Variants in HYDIN observed in about 807,000 individuals in gnomAD.
The protein encoded by HYDIN is axonemal central pair apparatus protein HYDIN.
A neutral mutation model predicts 403.9 loss-of-function variants in HYDIN; 132 were observed. The observed-to-expected ratio is 0.33, with a 90% CI of 0.28 to 0.38. The LOEUF is 0.38. HYDIN is among the 10% of genes least tolerant of loss of function. HYDIN has a pLI of 1.00. For missense variants in HYDIN, 2,827 were observed against 5,009.5 expected (o/e 0.56, Z 13.15); for synonymous variants, 1,202 against 1,891.7 (o/e 0.64, Z 9.46).
intron 18 of HYDIN, among the ~76,000 whole-genome samples, chr16:71,052,292 G>C (rs2081682147): frequency 6.6e-6 from 1 of 151,740 alleles, no homozygotes; most frequent in South Asian, 2.1e-4. Flanking sequence ...TAGTGACACT[G>C]AGATAGATAA....
chr16:71,130,470 G>GTT (rs56853905), intron 8 of HYDIN, among the ~76,000 whole-genome samples: 1,028 of 75,816 alleles, frequency 0.014, 140 homozygotes, highest in Non-Finnish European at 0.019. Flanking sequence ...ATATATACCG[G>GTT]TTTTTTTTTT....
At position 70,896,064 on chromosome 16, in the gene HYDIN, T is replaced by C. The variant is rs769984425; in HGVS notation, c.9065A>G (p.Asn3022Ser). ...AIRLEVLDAENLLGVVQIENI... is the reference protein window; with the variant it reads ...AIRLEVLDAESLLGVVQIENI... Reference sequence around the variant, plus strand: ...TTCAATCTGAACAACACCAAGAAGATTTTCTGCATCTAAAACCTGGCAGGG... The same window carrying C: ...TTCAATCTGAACAACACCAAGAAGACTTTCTGCATCTAAAACCTGGCAGGG... The change falls in exon 54 of 86, where the codon AAT becomes AGT. Residue 3022 changes from asparagine to serine, a missense_variant. By Grantham distance (46) the Asn-to-Ser change is conservative (BLOSUM62 1). Coordinates refer to ENST00000393567, the MANE Select transcript of HYDIN (RefSeq NM_001270974.2). 55 of 1,613,290 alleles carry C rather than the reference T, an allele frequency of 3.4e-5. No individual in the cohort carries two copies. The highest frequency in any genetic ancestry group is 1.6e-4 in the Middle Eastern group (1 of 6,080).
chr16:70,896,151 T>C (rs1274134585), intron 53 of HYDIN, 71 bp from the exon 54 acceptor site: 9 of 1,585,130 alleles, frequency 5.7e-6, no homozygotes, highest in South Asian at 3.4e-5. Flanking sequence ...ACATGTAATA[T>C]CCTAACGGGG....
At chr16:70,879,090 T>C (rs2040621115) in intron 62 of HYDIN, among the ~76,000 whole-genome samples, 1 of 149,882 alleles carries the variant, frequency 6.7e-6, no homozygotes, top group Non-Finnish European at 1.5e-5. Flanking sequence ...CAGTAGTTAA[T>C]GATATATTGT....
chr16:71,194,608 C>T (rs2087601707), intron 1 of HYDIN, among the ~76,000 whole-genome samples: 1 of 152,100 alleles, frequency 6.6e-6, no homozygotes, highest in Non-Finnish European at 1.5e-5. Flanking sequence ...CTAACAATTA[C>T]CTATTGGCAT....
At chr16:71,212,255 C>G (rs1355542294) in intron 1 of HYDIN, among the ~76,000 whole-genome samples, 8 of 152,106 alleles carry the variant, frequency 5.3e-5, no homozygotes, top group Non-Finnish European at 1.5e-5. Flanking sequence ...AGAGAATGTT[C>G]TTGGTCTTAG....
At chr16:70,852,438 G>C (rs1203338533) in intron 73 of HYDIN, among the ~76,000 whole-genome samples, 1 of 109,534 alleles carries the variant, frequency 9.1e-6, no homozygotes, top group Non-Finnish European at 1.8e-5. Flanking sequence ...GTCCATAAAA[G>C]GACAAATAGA....
chr16:71,165,101 C>T (rs1404275081), intron 5 of HYDIN, among the ~76,000 whole-genome samples: 1 of 151,432 alleles, frequency 6.6e-6, no homozygotes, highest in Non-Finnish European at 1.5e-5. Context: ...GTCTATTTTC[C>T]ACCCAAGGGT....
intron 83 of HYDIN, among the ~76,000 whole-genome samples, chr16:70,819,402 AATTT>A (rs1002134070): frequency 6.6e-6 from 1 of 151,892 alleles, no homozygotes; most frequent in African/African-American, 2.4e-5. Context: ...AATTTAATTT[AATTT>A]AATTTTTATT....
rs773146625 is a variant in HYDIN, at chr16:70,920,903, G to C, written c.7473C>G (p.Pro2491=). The C allele has an allele frequency of 5.0e-6, 8 of 1,613,332 alleles. No individual in the cohort carries two copies. The African/African-American group carries it at 6.7e-5, about 13-fold the overall frequency. ...QLPPAGMEEA[P]HEPDDQRQVP... is the part of the protein sequence containing the mutation. Reference sequence around the variant, plus strand: ...CCTGGCGCTGGTCGTCGGGCTCATGGGGCGCTTCCTCCATCCCTGCAGGAG... The same window carrying C: ...CCTGGCGCTGGTCGTCGGGCTCATGCGGCGCTTCCTCCATCCCTGCAGGAG... Residue 2491 remains proline (P), a synonymous_variant, in exon 46 of 86, where the codon CCC becomes CCG. Transcript: ENST00000393567.
At chr16:71,059,760 T>C (rs1325359985) in intron 18 of HYDIN, among the ~76,000 whole-genome samples, 2 of 152,174 alleles carry the variant, frequency 1.3e-5, no homozygotes, top group African/African-American at 4.8e-5. Flanking sequence ...AACCTGCACA[T>C]GTACCTCCTG....
intron 18 of HYDIN, among the ~76,000 whole-genome samples, chr16:71,036,334 C>G (rs2081087023): frequency 1.3e-5 from 2 of 152,122 alleles, no homozygotes; most frequent in African/African-American, 4.8e-5. Flanking sequence ...CTGTTAGCAT[C>G]CTACATAGCT....
chr16:70,915,142 A>G (rs2076799689), intron 47 of HYDIN, among the ~76,000 whole-genome samples: 3 of 151,528 alleles, frequency 2.0e-5, no homozygotes, highest in Admixed American at 2.0e-4. Context: ...TTTCAGGTAA[A>G]TCAGGGATTT....
intron 28 of HYDIN, among the ~76,000 whole-genome samples, chr16:70,984,169 C>T (rs1370772169): frequency 6.6e-6 from 1 of 151,534 alleles, no homozygotes; most frequent in Admixed American, 6.6e-5. Context: ...TCAAGACCAG[C>T]CTGGGCAACA....
At chr16:70,961,327 C>T (rs1164294197) in intron 38 of HYDIN, among the ~76,000 whole-genome samples, 1 of 152,026 alleles carries the variant, frequency 6.6e-6, no homozygotes, top group Non-Finnish European at 1.5e-5. Flanking sequence ...TTCCTGACTT[C>T]ATTTACTCAC....
chr16:71,222,088 C>G (rs2040831768), intron 1 of HYDIN, among the ~76,000 whole-genome samples: 1 of 152,192 alleles, frequency 6.6e-6, no homozygotes, highest in Admixed American at 6.5e-5. Flanking sequence ...CTTTCTGAGC[C>G]TACTCTGGCT....
chr16:70,851,177 C>T lies in HYDIN; in HGVS notation c.12444-522G>A, dbSNP rs189664411. 5.3e-4 allele frequency among the ~76,000 whole-genome samples: 58 copies of T among 108,618 alleles called. No individual in the cohort carries two copies. The Admixed American group carries it at 5.4e-3, about 10-fold the overall frequency. 71.3% of individuals were successfully genotyped at this position (108,618 alleles called of 152,430 possible). A position where few individuals can be genotyped will look rare whatever the true frequency, so the allele number is the denominator to read the frequency against. On this transcript the variant is annotated intron_variant, in intron 73 of 85. Coordinates refer to ENST00000393567, the MANE Select transcript of HYDIN (RefSeq NM_001270974.2). ...AAGCACTTGCAATAAAAACAAAAAT[C>T]GACAAGTGGGACCCAATCAATCCTG... is the stretch of plus-strand genomic sequence containing the variant.
Position 71,129,633 on chromosome 16 carries a change from T to G in HYDIN, c.1227+7A>C, listed in dbSNP as rs750543529. 14 of 1,603,784 alleles carry G rather than the reference T, an allele frequency of 8.7e-6. No homozygotes were observed. The highest frequency in any genetic ancestry group is 1.2e-5 in the Non-Finnish European group (14 of 1,176,252). ...CCTGTATGGTCAGCTTTTATTTATA[T>G]GCTCACCAGGGGCTCCACAGTGAAA... is the stretch of plus-strand genomic sequence containing the variant. On this transcript the variant is annotated splice_region_variant and intron_variant, in intron 9 of 85. Coordinates refer to ENST00000393567, the MANE Select transcript of HYDIN (RefSeq NM_001270974.2).
intron 30 of HYDIN, among the ~76,000 whole-genome samples, chr16:70,978,599 T>A (rs1567940295): frequency 6.6e-6 from 1 of 152,242 alleles, no homozygotes; most frequent in Non-Finnish European, 1.5e-5. Context: ...CTCTTAAAGA[T>A]GCAAAGTCGA....
Sources: gnomAD v4.1 joint callset for allele counts (sites outside exome capture counted in the v4.1 genomes callset) on GRCh38, gnomAD v4.1.1 for gene constraint, MANE v1.5 for transcripts, NCBI Gene and HGNC (gene_info 2026-07-23, HGNC 2026-07-21) for gene names.